Variants in CUBN observed in about 807,000 individuals in gnomAD.
CUBN encodes cubilin.
CUBN carries 282 observed loss-of-function variants against 405.3 expected under a neutral mutation model. The observed-to-expected ratio is 0.70, with a 90% confidence interval of 0.63 to 0.77. CUBN has a LOEUF of 0.77. Ranked by LOEUF, CUBN falls within the 30% of genes least tolerant of loss-of-function variation. The pLI, the probability that CUBN is intolerant of heterozygous loss-of-function variation, is 0.00. For synonymous variants in CUBN, 1,684 were observed against 1,617.0 expected (o/e 1.04, Z -0.99); for missense variants, 4,514 against 4,475.2 (o/e 1.01, Z -0.25).
At chr10:17,076,613 A>T (rs1364286343) in intron 17 of CUBN, among the ~76,000 whole-genome samples, 3 of 152,138 alleles carry the variant, frequency 2.0e-5, no homozygotes, top group Non-Finnish European at 4.4e-5. Flanking sequence ...TGTGACTTGC[A>T]ATACTGCCAT....
chr10:17,090,826 TA>T (rs59564374), intron 14 of CUBN, among the ~76,000 whole-genome samples: 3,083 of 93,950 alleles, frequency 0.033, 92 homozygotes, highest in African/African-American at 0.081. Context: ...AAATGTAAAG[TA>T]AAAAAAAAAA....
At chr10:17,120,044 G>A (rs938773642) in intron 6 of CUBN, among the ~76,000 whole-genome samples, 3 of 152,182 alleles carry the variant, frequency 2.0e-5, no homozygotes, top group African/African-American at 4.8e-5. Flanking sequence ...ACTCCAAAGC[G>A]AACTTTGATG....
chr10:16,966,197 G>A (rs973637666), intron 31 of CUBN, among the ~76,000 whole-genome samples: 1 of 152,200 alleles, frequency 6.6e-6, no homozygotes, highest in African/African-American at 2.4e-5. Context: ...GGCTTTCCAA[G>A]TGGTTGGCAT....
rs564421692 is a variant in CUBN at position 16,913,842 on chromosome 10, G to C, written c.7502C>G (p.Thr2501Arg). ...ATGCTCATTGTTGCAGGACGGATGC[G>C]TGGCCAGCCTCAGGTTGTTAAACAT... Reference protein sequence around the residue: ...TLMFNNLRLATHPSCNNEHVI... With the variant: ...TLMFNNLRLARHPSCNNEHVI... Residue 2501 changes from threonine (T) to arginine (R), a missense_variant, in exon 48 of 67, where the codon ACG (threonine) becomes AGG (arginine). Around this residue, in one of 5 missense-constraint regions of CUBN, gnomAD observed 1,613 missense variants for 1,542.8 expected, o/e 1.05. Transcript: ENST00000377833. The C allele has an allele frequency of 1.2e-6, 2 of 1,613,856 alleles. No individual in the cohort carries two copies. The highest frequency in any genetic ancestry group is 1.7e-6 in the Non-Finnish European group (2 of 1,180,040).
intron 54 of CUBN, among the ~76,000 whole-genome samples, chr10:16,894,241 T>C (rs900453216): frequency 1.3e-5 from 2 of 152,196 alleles, no homozygotes; most frequent in African/African-American, 4.8e-5. Flanking sequence ...TTATTTTTTC[T>C]CTTATGAATC....
chr10:16,874,256 G>A, intron 58 of CUBN, 118 bp downstream of exon 58: 1 of 1,068,092 alleles, frequency 9.4e-7, no homozygotes, highest in Non-Finnish European at 1.4e-6. Flanking sequence ...TCACTCCTCT[G>A]TGTAGATTTC....
intron 27 of CUBN, among the ~76,000 whole-genome samples, chr10:17,035,947 T>C (rs894382720): frequency 6.6e-6 from 1 of 151,974 alleles, no homozygotes; most frequent in African/African-American, 2.4e-5. Context: ...CAAGTTTACC[T>C]ACATAATAAA....
intron 40 of CUBN, among the ~76,000 whole-genome samples, chr10:16,931,380 T>C (rs1842361191): frequency 1.3e-5 from 2 of 152,246 alleles, no homozygotes; most frequent in Middle Eastern, 3.4e-3. Flanking sequence ...GAATAAATAA[T>C]TAAACAAATG....
At chr10:16,924,030 C>T (rs888629211) in intron 43 of CUBN, among the ~76,000 whole-genome samples, 24 of 152,014 alleles carry the variant, frequency 1.6e-4, no homozygotes, top group African/African-American at 4.6e-4. Context: ...GAGATCATGC[C>T]GCTGTACTCT....
intron 51 of CUBN, 44 bp downstream of exon 51, chr10:16,903,922 A>G: frequency 7.3e-7 from 1 of 1,369,050 alleles, no homozygotes; most frequent in African/African-American, 1.4e-5. Flanking sequence ...AAAATCATTA[A>G]TCTTTATAAG....
chr10:16,891,973 C>T (rs1317267292), intron 54 of CUBN, among the ~76,000 whole-genome samples: 2 of 152,168 alleles, frequency 1.3e-5, no homozygotes, highest in South Asian at 2.1e-4. Flanking sequence ...TCTTACTTGA[C>T]TATTCAACAT....
chr10:17,080,610 A>G (rs899103620), intron 17 of CUBN, among the ~76,000 whole-genome samples: 2 of 152,288 alleles, frequency 1.3e-5, no homozygotes, highest in East Asian at 1.9e-4. Context: ...GGGATTGGTC[A>G]AGGAGATTTG....
intron 3 of CUBN, among the ~76,000 whole-genome samples, chr10:17,127,001 G>T (rs1440028288): frequency 1.3e-5 from 2 of 151,640 alleles, no homozygotes; most frequent in Non-Finnish European, 1.5e-5. Context: ...AGATTTCTGG[G>T]GTTTTTTTAA....
chr10:16,941,088 C>A (rs1372883525), intron 36 of CUBN, among the ~76,000 whole-genome samples: 3 of 152,136 alleles, frequency 2.0e-5, no homozygotes, highest in Non-Finnish European at 4.4e-5. Context: ...TAGTTGAGTA[C>A]TTTCAAAACT....
At chr10:16,890,334 G>A (rs376972699) in intron 55 of CUBN, 37 bp downstream of exon 55, 502 of 1,609,796 alleles carry the variant, frequency 3.1e-4, no homozygotes, top group Non-Finnish European at 4.0e-4. Flanking sequence ...CCACACTCCC[G>A]CAAAGACCTC....
At chr10:17,124,467 C>T (rs186391752) in intron 4 of CUBN, among the ~76,000 whole-genome samples, 28 of 150,130 alleles carry the variant, frequency 1.9e-4, no homozygotes, top group Non-Finnish European at 3.1e-4. Context: ...CTTGCTCTGT[C>T]GCCCAGGCTG....
intron 22 of CUBN, among the ~76,000 whole-genome samples, chr10:17,064,009 G>T (rs1008173365): frequency 2.0e-5 from 3 of 152,166 alleles, no homozygotes; most frequent in Non-Finnish European, 4.4e-5. Context: ...GAAAAATTGT[G>T]TGCACCCTAT....
intron 48 of CUBN, among the ~76,000 whole-genome samples, chr10:16,909,289 T>C (rs1841654511): frequency 6.6e-6 from 1 of 152,208 alleles, no homozygotes; most frequent in East Asian, 1.9e-4. Context: ...AAGAGTTTGC[T>C]ATCATTTACT....
intron 43 of CUBN, among the ~76,000 whole-genome samples, chr10:16,922,016 T>G (rs1842047768): frequency 6.6e-6 from 1 of 152,204 alleles, no homozygotes; most frequent in Admixed American, 6.5e-5. Context: ...ATGGACACTC[T>G]GCATCCACTC....
Sources: gnomAD v4.1 joint callset for allele counts (sites outside exome capture counted in the v4.1 genomes callset) on GRCh38, gnomAD v4.1.1 for gene constraint, gnomAD v4.1.1 regional missense constraint, MANE v1.5 for transcripts, NCBI Gene and HGNC (gene_info 2026-07-23, HGNC 2026-07-21) for gene names.